The following PIEZO2 variants were observed in gnomAD, a reference collection of about 807,000 sequenced individuals.
The protein encoded by PIEZO2 is piezo-type mechanosensitive ion channel component 2.
PIEZO2 carries 172 observed loss-of-function variants against 337.3 expected under a neutral mutation model. The observed-to-expected ratio is 0.51, with a 90% CI of 0.45 to 0.58. PIEZO2 has a LOEUF of 0.58. Among genes scored for constraint, PIEZO2 ranks in the 20% least tolerant of loss-of-function variants. PIEZO2 has a pLI of 0.00. For missense variants in PIEZO2, 3,028 were observed against 3,391.3 expected, an observed-to-expected ratio of 0.89 and a Z score of 2.66; for synonymous variants, 1,251 against 1,228.5, an observed-to-expected ratio of 1.02 and a Z score of -0.38.
At chr18:11,147,056 G>A (rs1335736189) in intron 1 of PIEZO2, among the ~76,000 whole-genome samples, 1 of 152,210 alleles carries the variant, frequency 6.6e-6, no homozygotes, top group Non-Finnish European at 1.5e-5. Context: ...AGTGCCAAGC[G>A]CTTAGGATAC....
At chr18:10,849,660 G>T (rs912008730) in intron 7 of PIEZO2, among the ~76,000 whole-genome samples, 4 of 152,192 alleles carry the variant, frequency 2.6e-5, no homozygotes, top group African/African-American at 9.7e-5. Context: ...TCGAGCTGGG[G>T]GAAACCGAAC....
At chr18:10,987,508 T>C (rs921161502) in intron 2 of PIEZO2, among the ~76,000 whole-genome samples, 6 of 152,000 alleles carry the variant, frequency 3.9e-5, no homozygotes, top group Non-Finnish European at 5.9e-5. Flanking sequence ...GATTACCATG[T>C]ACAAAATAAT....
At chr18:10,921,494 G>A (rs2031397132) in intron 3 of PIEZO2, among the ~76,000 whole-genome samples, 1 of 152,062 alleles carries the variant, frequency 6.6e-6, no homozygotes. Context: ...TATCCTTGTG[G>A]TTTCCTATGC....
chr18:11,108,613 CAAAAAAAAAAAA>C (rs532226919), intron 1 of PIEZO2, among the ~76,000 whole-genome samples: 11 of 56,882 alleles, frequency 1.9e-4, no homozygotes, highest in African/African-American at 4.8e-4. Context: ...GACTCCCTCT[CAAAAAAAAAAAA>C]AAAAAAAAAA....
intron 7 of PIEZO2, among the ~76,000 whole-genome samples, chr18:10,840,559 T>C (rs1211590185): frequency 6.6e-6 from 1 of 152,118 alleles, no homozygotes; most frequent in African/African-American, 2.4e-5. Context: ...TCTTGAATAA[T>C]AGGTGAGAAA....
Position 10,741,122 on chromosome 18 carries a change from C to G in PIEZO2, c.4637-20G>C. On this transcript the variant is annotated intron_variant, in intron 32 of 55. Transcript: ENST00000674853. ...CTTCTCCTAAAATAAAATACGTCCACATATTAATTCGTATAAAGTGAGAAA... is the reference window on the plus strand; with the variant it reads ...CTTCTCCTAAAATAAAATACGTCCAGATATTAATTCGTATAAAGTGAGAAA... 6.6e-7 allele frequency: 1 copy of G among 1,526,486 alleles called. No homozygotes were observed. Among genetic ancestry groups the G allele is most frequent in the South Asian group, 1.2e-5 (1 of 82,304 alleles). 94.6% of individuals were successfully genotyped at this position (1,526,486 alleles called of 1,614,324 possible). A position where few individuals can be genotyped will look rare whatever the true frequency, so the allele number is the denominator to read the frequency against.
chr18:10,837,963 G>A lies in PIEZO2; in HGVS notation c.917+17390C>T, dbSNP rs936351987. On this transcript the variant is annotated intron_variant, in intron 7 of 55. Coordinates refer to ENST00000674853, the MANE Select transcript of PIEZO2 (RefSeq NM_001378183.1). The surrounding 1 kb of genome is among the most constrained non-coding windows in gnomAD (Gnocchi z 4.4). ...GACGGGGTTTCGTCATGTTGGCCAG[G>A]CTGGTCTCGAACTCCTGATCGCAGG... 1.3e-5 allele frequency among the ~76,000 whole-genome samples: 2 copies of A among 152,084 alleles called. No individual in the cohort carries two copies. The highest frequency in any genetic ancestry group is 2.9e-5 in the Non-Finnish European group (2 of 68,014).
chr18:10,967,280 G>C (rs2145415884), intron 3 of PIEZO2, among the ~76,000 whole-genome samples: 1 of 152,178 alleles, frequency 6.6e-6, no homozygotes, highest in South Asian at 2.1e-4. Flanking sequence ...GCCTCCCAAA[G>C]TGCTGGGATT....
In PIEZO2 at chr18:10,941,400, A is replaced by G. The variant is rs117058814; in HGVS notation, c.287-30172T>C. 7.2e-3 allele frequency among the ~76,000 whole-genome samples: 1,096 copies of G among 152,310 alleles called. 7 individuals carry two copies. The highest frequency in any genetic ancestry group is 0.012 in the Non-Finnish European group (843 of 68,010). Reference sequence around the variant, plus strand: ...ACAAATGAAGACATCTGAATAATGAAGTTGGGACCCTAAAGGGTTGCTTGT... The same window carrying G: ...ACAAATGAAGACATCTGAATAATGAGGTTGGGACCCTAAAGGGTTGCTTGT... On this transcript the variant is annotated intron_variant, in intron 3 of 55. Coordinates refer to ENST00000674853, the MANE Select transcript of PIEZO2 (RefSeq NM_001378183.1).
In PIEZO2 at chr18:10,979,292, A is replaced by T. The variant is rs1386002082; in HGVS notation, c.286+243T>A. ...CTCAATGAAAATGTCTTACATGCAG[A>T]TAGGAGGTGATCTCCAATACATGCT... is the stretch of plus-strand genomic sequence containing the variant. On this transcript the variant is annotated intron_variant, in intron 3 of 55. Coordinates refer to ENST00000674853, the MANE Select transcript of PIEZO2 (RefSeq NM_001378183.1). The surrounding 1 kb of genome is among the most constrained non-coding windows in gnomAD (Gnocchi z 4.0). 6.6e-6 allele frequency among the ~76,000 whole-genome samples: 1 copy of T among 151,930 alleles called. No homozygotes were observed. Among genetic ancestry groups the T allele is most frequent in the Non-Finnish European group, 1.5e-5 (1 of 68,008 alleles).
intron 2 of PIEZO2, among the ~76,000 whole-genome samples, chr18:11,037,849 A>C (rs1176414268): frequency 6.6e-6 from 1 of 152,238 alleles, no homozygotes; most frequent in African/African-American, 2.4e-5. Context: ...TAATATGCAA[A>C]GTTTTCTTAA....
At chr18:10,977,873 A>G (rs2034505511) in intron 3 of PIEZO2, among the ~76,000 whole-genome samples, 1 of 152,214 alleles carries the variant, frequency 6.6e-6, no homozygotes, top group African/African-American at 2.4e-5. Flanking sequence ...AGACAAATCT[A>G]ATACAGACAG....
At chr18:10,998,876 A>AG (rs1023645781) in intron 2 of PIEZO2, among the ~76,000 whole-genome samples, 3 of 151,684 alleles carry the variant, frequency 2.0e-5, no homozygotes, top group African/African-American at 4.8e-5. Flanking sequence ...AAAAAAAAAA[A>AG]AAAGAAAGAT....
chr18:11,090,471 A>AC (rs2039042136), intron 1 of PIEZO2, among the ~76,000 whole-genome samples: 1 of 152,208 alleles, frequency 6.6e-6, no homozygotes, highest in South Asian at 2.1e-4. Flanking sequence ...TACAATACCC[A>AC]CTGACCAGAC....
chr18:10,955,300 AC>A lies in PIEZO2; in HGVS notation c.286+24234del, dbSNP rs2033469447. On this transcript the variant is annotated intron_variant, in intron 3 of 55. Coordinates refer to ENST00000674853, the MANE Select transcript of PIEZO2 (RefSeq NM_001378183.1). Reference sequence around the variant, plus strand: ...ATCGAGGTTGGGCTCAGGTAGGAAAACGAAAACAGAAGAGCAAGAGAGCAAG... The same window carrying A: ...ATCGAGGTTGGGCTCAGGTAGGAAAAGAAAACAGAAGAGCAAGAGAGCAAG... 2.6e-5 allele frequency among the ~76,000 whole-genome samples: 4 copies of A among 152,342 alleles called. No individual in the cohort carries two copies. In the South Asian group the frequency reaches 8.3e-4, roughly 32 times the overall value.
chr18:11,012,030 G>C (rs2035923924), intron 2 of PIEZO2, among the ~76,000 whole-genome samples: 1 of 152,064 alleles, frequency 6.6e-6, no homozygotes, highest in South Asian at 2.1e-4. Flanking sequence ...AAGAAAGGTA[G>C]GTCACCAATG....
intron 2 of PIEZO2, among the ~76,000 whole-genome samples, chr18:10,987,231 A>C (rs1194933705): frequency 6.6e-6 from 1 of 152,086 alleles, no homozygotes; most frequent in Non-Finnish European, 1.5e-5. Context: ...ATGGAACCAC[A>C]AAAGACCCCC....
chr18:10,696,487 G>GGAGATGGA lies in PIEZO2; in HGVS notation c.6879_6880insTCCATCTC (p.Pro2294SerfsTer9). ...ACGTCAGTCACGGCGCTATACTCCG[G>GGAGATGGA]GTGGATGAGGTTGTAAAAGAACTGT... On this transcript the variant is annotated frameshift_variant, in exon 46 of 56. Coordinates refer to ENST00000674853, the MANE Select transcript of PIEZO2 (RefSeq NM_001378183.1). LOFTEE classifies it high-confidence loss of function. The GGAGATGGA allele has an allele frequency of 6.2e-7, 1 of 1,614,080 alleles. No homozygotes were observed. The highest frequency in any genetic ancestry group is 8.5e-7 in the Non-Finnish European group (1 of 1,180,034).
rs2040739876 is a variant in PIEZO2 at position 11,143,875 on chromosome 18, C to G, written c.64+4650G>C. Among the ~76,000 whole-genome samples the G allele has an allele frequency of 1.3e-5, 2 of 152,240 alleles. No homozygotes were observed. Among genetic ancestry groups the G allele is most frequent in the South Asian group, 4.1e-4 (2 of 4,832 alleles). On this transcript the variant is annotated intron_variant, in intron 1 of 55. Coordinates refer to ENST00000674853, the MANE Select transcript of PIEZO2 (RefSeq NM_001378183.1). The surrounding 1 kb of genome is among the most constrained non-coding windows in gnomAD (Gnocchi z 4.9). ...CGCCTGCTGTGTGTCAGGCTTTATA[C>G]AAGGTGTGCTGTGCACACTATCTCA...
Sources: gnomAD v4.1 joint callset for allele counts (sites outside exome capture counted in the v4.1 genomes callset) on GRCh38, gnomAD v4.1.1 for gene constraint, Gnocchi (gnomAD v3.1) non-coding constraint, MANE v1.5 for transcripts, NCBI Gene and HGNC (gene_info 2026-07-23, HGNC 2026-07-21) for gene names.